The following PPP1R11 variants were observed in gnomAD, a reference collection of about 807,000 sequenced individuals.
The protein encoded by PPP1R11 is E3 ubiquitin-protein ligase PPP1R11.
A neutral mutation model predicts 11.3 loss-of-function variants in PPP1R11; 10 were observed. The ratio of observed to expected loss-of-function variants is 0.88; its 90% CI spans 0.55 to 1.50. The LOEUF (loss-of-function observed/expected upper bound fraction) is 1.50, where lower values mean the gene tolerates loss of function less well. Among genes scored for constraint, PPP1R11 ranks in the 40% most tolerant of loss-of-function variants. The pLI, the probability that PPP1R11 is intolerant of heterozygous loss-of-function variation, is 0.00. For missense variants in PPP1R11, 114 were observed against 179.1 expected (o/e 0.64, Z 2.07); for synonymous variants, 56 against 62.3 (o/e 0.90, Z 0.48).
intron 2 of PPP1R11, 114 bp downstream of exon 2, chr6:30,068,812 A>G: frequency 1.0e-6 from 1 of 988,472 alleles, no homozygotes; most frequent in Non-Finnish European, 1.5e-6. Context: ...TAGTTCTGTC[A>G]CTTTTTTGGT....
upstream of PPP1R11, chr6:30,064,852 C>T: frequency 4.0e-6 from 2 of 505,282 alleles, no homozygotes; most frequent in Middle Eastern, 3.0e-4. Flanking sequence ...TCCTGGAGTA[C>T]TCCTACCCTT....
chr6:30,068,753 C>T, intron 2 of PPP1R11, 55 bp downstream of exon 2: 1 of 1,444,850 alleles, frequency 6.9e-7, no homozygotes, highest in East Asian at 2.3e-5. Context: ...TTCAGCATAT[C>T]TTGTATCTAC....
At chr6:30,068,350 C>G (rs1319060710) in intron 1 of PPP1R11, 1 of 372,056 alleles carries the variant, frequency 2.7e-6, no homozygotes, top group African/African-American at 2.1e-5. Flanking sequence ...GGGACCTTTC[C>G]TAGGTTAGGA....
the PPP1R11 span, chr6:30,061,278 T>C: frequency 2.4e-6 from 1 of 419,924 alleles, no homozygotes. This position sits in a 1 kb window ranked among gnomAD's most constrained non-coding sequence, Gnocchi z 5.0. Context: ...GCTGGCGCTC[T>C]AGCCCACGGA....
At chr6:30,064,770 T>G (rs185424598), upstream of PPP1R11, 28 of 1,341,712 alleles carry the variant, frequency 2.1e-5, 1 homozygote, top group Admixed American at 2.3e-4. Flanking sequence ...TTAGATGCCT[T>G]GTCCATCCTG....
chr6:30,069,061 T>C lies in PPP1R11; in HGVS notation c.179-43T>C. 6.6e-7 allele frequency: 1 copy of C among 1,518,316 alleles called. No homozygotes were observed. The highest frequency in any genetic ancestry group is 1.4e-5 in the African/African-American group (1 of 72,776). 94.1% of individuals were successfully genotyped at this position (1,518,316 alleles called of 1,614,324 possible). On this transcript the variant is annotated intron_variant, in intron 2 of 2. Coordinates refer to ENST00000376772, the MANE Select transcript of PPP1R11 (RefSeq NM_021959.3). This position sits in a 1 kb window ranked among gnomAD's most constrained non-coding sequence, Gnocchi z 6.6. ...TGGGAATGGAACTGACTATATATCT[T>C]ACCCTTCCTCCTCTTTAACTGGGCT...
chr6:30,068,179 T>G (rs1300459387), intron 1 of PPP1R11: 3 of 156,518 alleles, frequency 1.9e-5, no homozygotes, highest in Non-Finnish European at 2.8e-5. Flanking sequence ...TTGTTTGTTT[T>G]TTTAAGAGAA....
At chr6:30,065,107 A>C (rs1434458631), upstream of PPP1R11, among the ~76,000 whole-genome samples, 1 of 152,224 alleles carries the variant, frequency 6.6e-6, no homozygotes, top group Non-Finnish European at 1.5e-5. This position sits in a 1 kb window ranked among gnomAD's most constrained non-coding sequence, Gnocchi z 5.3. Context: ...TAGGTTAAGA[A>C]AAACTAGGAA....
At chr6:30,067,607 G>A in intron 1 of PPP1R11, 128 bp downstream of exon 1, 1 of 1,193,292 alleles carries the variant, frequency 8.4e-7, no homozygotes, top group Non-Finnish European at 1.2e-6. Context: ...TGAATATCTA[G>A]GGCTGGGAGA....
chr6:30,070,017 GT>G lies in PPP1R11; in HGVS notation c.*716del, dbSNP rs1765806889. 1 of 152,190 alleles carries G rather than the reference GT, an allele frequency of 6.6e-6. No homozygotes were observed. The highest frequency in any genetic ancestry group is 2.1e-4 in the South Asian group (1 of 4,824). The allele number at this position is 152,190 out of a possible 1,614,324, so 9.4% of individuals were successfully genotyped here. ...GAGCCGACTGTCTCCTCTGCCTTTT[GT>G]TTTTCAGCTTCAGAGACAGATCCAA... On this transcript the variant is annotated 3_prime_UTR_variant, in exon 3 of 3. Transcript: ENST00000376772.
At chr6:30,061,423 A>G in the PPP1R11 span, 1 of 1,386,682 alleles carries the variant, frequency 7.2e-7, no homozygotes, top group Non-Finnish European at 9.9e-7. This position sits in a 1 kb window ranked among gnomAD's most constrained non-coding sequence, Gnocchi z 5.0. Context: ...GGTTCGGGTT[A>G]TATACTCCTA....
the PPP1R11 span, chr6:30,061,660 A>C: frequency 1.2e-6 from 2 of 1,612,842 alleles, no homozygotes; most frequent in Non-Finnish European, 1.7e-6. The surrounding 1 kb of genome is among the most constrained non-coding windows in gnomAD (Gnocchi z 5.0). Flanking sequence ...CTTCAACATC[A>C]ACGTTCGGGG....
upstream of PPP1R11, among the ~76,000 whole-genome samples, chr6:30,066,350 TGTC>T (rs1765522718): frequency 6.6e-6 from 1 of 152,212 alleles, no homozygotes; most frequent in Non-Finnish European, 1.5e-5. Flanking sequence ...AAAACCTACT[TGTC>T]GGCCTTCCTG....
chr6:30,062,285 G>A, upstream of PPP1R11: 1 of 1,613,032 alleles, frequency 6.2e-7, no homozygotes, highest in South Asian at 1.1e-5. Context: ...AGACAGATGC[G>A]TTCAGCCGAT....
At chr6:30,061,708 A>G in the PPP1R11 span, 32 of 1,610,712 alleles carry the variant, frequency 2.0e-5, no homozygotes, top group South Asian at 3.0e-4. This position sits in a 1 kb window ranked among gnomAD's most constrained non-coding sequence, Gnocchi z 5.0. Context: ...CGGAGGGCGC[A>G]GGGTCGGAAG....
upstream of PPP1R11, among the ~76,000 whole-genome samples, chr6:30,063,320 T>C (rs546380566): frequency 2.0e-5 from 3 of 152,196 alleles, no homozygotes; most frequent in Admixed American, 2.0e-4. This position sits in a 1 kb window ranked among gnomAD's most constrained non-coding sequence, Gnocchi z 4.1. Context: ...CAATTGCTGT[T>C]CTCTTTATGC....
intron 2 of PPP1R11, 123 bp downstream of exon 2, chr6:30,068,821 G>C: frequency 1.1e-6 from 1 of 887,290 alleles, no homozygotes; most frequent in Non-Finnish European, 1.7e-6. Flanking sequence ...CACTTTTTTG[G>C]TGGTGCTGTG....
chr6:30,069,831 C>T lies in PPP1R11; in HGVS notation c.*525C>T. ...CCTCAGAGCTCCCAGCCCTTCTCCT[C>T]CTGCTAACCCTTCTCACACCCTCAA... On this transcript the variant is annotated 3_prime_UTR_variant, in exon 3 of 3. Transcript: ENST00000376772. This position sits in a 1 kb window ranked among gnomAD's most constrained non-coding sequence, Gnocchi z 6.6. The T allele has an allele frequency of 6.5e-6, 1 of 154,282 alleles. No homozygotes were observed. Among genetic ancestry groups the T allele is most frequent in the Non-Finnish European group, 1.4e-5 (1 of 69,308 alleles). The allele number at this position is 154,282 out of a possible 1,614,324, so 9.6% of individuals were successfully genotyped here.
chr6:30,062,714 C>CCTTTTTTTTTT (rs749507630), upstream of PPP1R11, among the ~76,000 whole-genome samples: 206 of 42,394 alleles, frequency 4.9e-3, 19 homozygotes, highest in Middle Eastern at 0.031. Context: ...CCACGCCTGG[C>CCTTTTTTTTTT]TTTTTTTTTT....
Sources: gnomAD v4.1 joint callset for allele counts (sites outside exome capture counted in the v4.1 genomes callset) on GRCh38, gnomAD v4.1.1 for gene constraint, Gnocchi (gnomAD v3.1) non-coding constraint, MANE v1.5 for transcripts, NCBI Gene and HGNC (gene_info 2026-07-23, HGNC 2026-07-21) for gene names.